The following FAM227B variants were observed in gnomAD, a reference collection of about 807,000 sequenced individuals.
The protein encoded by FAM227B is family with sequence similarity 227 member B, also known as protein FAM227B.
FAM227B carries 88 observed loss-of-function variants against 73.8 expected under a neutral mutation model. The observed-to-expected ratio is 1.19, with a 90% CI of 1.00 to 1.42. The LOEUF is 1.42. Ranked by LOEUF, FAM227B falls within the 40% of genes most tolerant of loss-of-function variation. FAM227B has a pLI of 0.00. For synonymous variants in FAM227B, 210 were observed against 190.5 expected (o/e 1.10, Z -0.84); for missense variants, 632 against 590.9 (o/e 1.07, Z -0.72).
intron 10 of FAM227B, among the ~76,000 whole-genome samples, chr15:49,536,718 A>G (rs1008830137): frequency 7.2e-5 from 11 of 152,114 alleles, no homozygotes; most frequent in African/African-American, 2.6e-4. Context: ...ATGAACACCG[A>G]CATAAAGATG....
chr15:49,560,677 C>T (rs1406032558), intron 9 of FAM227B, among the ~76,000 whole-genome samples: 1 of 152,150 alleles, frequency 6.6e-6, no homozygotes, highest in East Asian at 1.9e-4. Flanking sequence ...TACAGCAGAC[C>T]TCTCAGCAGA....
At chr15:49,499,355 T>C (rs921788209) in intron 11 of FAM227B, among the ~76,000 whole-genome samples, 1 of 152,032 alleles carries the variant, frequency 6.6e-6, no homozygotes, top group Non-Finnish European at 1.5e-5. Flanking sequence ...TGGAAAAAGA[T>C]GTGTCTGTAT....
At chr15:49,471,148 A>G (rs2054704499) in intron 11 of FAM227B, among the ~76,000 whole-genome samples, 1 of 152,200 alleles carries the variant, frequency 6.6e-6, no homozygotes, top group South Asian at 2.1e-4. Flanking sequence ...GCCAAGAAGA[A>G]AAATTCTAAA....
chr15:49,527,033 T>A lies in FAM227B; in HGVS notation c.874+14647A>T, dbSNP rs942324460. Reference sequence around the variant, plus strand: ...GGAGGAGGGAATCTCATCTAACTGATTCTACAAAACCAGTATCACCCAGTA... The same window carrying A: ...GGAGGAGGGAATCTCATCTAACTGAATCTACAAAACCAGTATCACCCAGTA... On this transcript the variant is annotated intron_variant, in intron 10 of 15. Transcript: ENST00000299338. Among the ~76,000 whole-genome samples the A allele has an allele frequency of 2.1e-5, 3 of 142,490 alleles. No individual in the cohort carries two copies. The East Asian group carries it at 6.6e-4, about 32-fold the overall frequency. 93.5% of individuals were successfully genotyped at this position (142,490 alleles called of 152,430 possible).
chr15:49,594,715 GT>G (rs1162691897), intron 3 of FAM227B, among the ~76,000 whole-genome samples: 1 of 152,130 alleles, frequency 6.6e-6, no homozygotes, highest in African/African-American at 2.4e-5. Context: ...TGTTTGCTTT[GT>G]TGAAGATCAG....
intron 1 of FAM227B, among the ~76,000 whole-genome samples, chr15:49,617,223 T>A (rs2153345080): frequency 6.6e-6 from 1 of 152,104 alleles, no homozygotes; most frequent in African/African-American, 2.4e-5. Flanking sequence ...AAATAAAAAA[T>A]ATTTTTAAAA....
chr15:49,336,482 C>T (rs2039732959), intron 13 of FAM227B, among the ~76,000 whole-genome samples: 1 of 152,208 alleles, frequency 6.6e-6, no homozygotes, highest in Non-Finnish European at 1.5e-5. Flanking sequence ...TCTGCCATCA[C>T]TAAGATATAG....
At chr15:49,336,678 T>A (rs1467973229) in intron 13 of FAM227B, among the ~76,000 whole-genome samples, 1 of 152,216 alleles carries the variant, frequency 6.6e-6, no homozygotes, top group East Asian at 1.9e-4. Flanking sequence ...TTATTTATTT[T>A]TCCCTTGGTA....
chr15:49,359,064 T>C (rs1596500485), intron 13 of FAM227B, among the ~76,000 whole-genome samples: 1 of 152,172 alleles, frequency 6.6e-6, no homozygotes, highest in East Asian at 1.9e-4. Context: ...GATCCCTTCC[T>C]TACACCTTAT....
chr15:49,585,200 G>A (rs2152395758), intron 5 of FAM227B, among the ~76,000 whole-genome samples: 2 of 152,214 alleles, frequency 1.3e-5, no homozygotes, highest in Non-Finnish European at 2.9e-5. Context: ...AACAGGTGCT[G>A]GAGAGGATGT....
intron 11 of FAM227B, among the ~76,000 whole-genome samples, chr15:49,490,284 A>C (rs919562913): frequency 6.6e-6 from 1 of 151,856 alleles, no homozygotes; most frequent in African/African-American, 2.4e-5. Context: ...TTGCATCAGA[A>C]TGATTATGGA....
At position 49,416,045 on chromosome 15, in the gene FAM227B, C is replaced by T. The variant is rs1051075964; in HGVS notation, c.1013-44646G>A. Among the ~76,000 whole-genome samples the T allele has an allele frequency of 5.9e-5, 9 of 152,168 alleles. 1 individual carries two copies. Among genetic ancestry groups the T allele is most frequent in the African/African-American group, 2.2e-4 (9 of 41,530 alleles). Reference sequence around the variant, plus strand: ...TACAAAGTTCATTATGATCTGGTCCCTGCCTACCTCTTCAGGTTCATTCAC... The same window carrying T: ...TACAAAGTTCATTATGATCTGGTCCTTGCCTACCTCTTCAGGTTCATTCAC... On this transcript the variant is annotated intron_variant, in intron 11 of 15. Transcript: ENST00000299338.
At position 49,357,545 on chromosome 15, in the gene FAM227B, T is replaced by G. The variant is rs560018988; in HGVS notation, c.1271+9903A>C. 1.9e-3 allele frequency among the ~76,000 whole-genome samples: 289 copies of G among 151,940 alleles called. 2 individuals carry two copies. The highest frequency in any genetic ancestry group is 6.5e-3 in the African/African-American group (268 of 41,484). ...CTCCCAAGACTAAACCAGGAAGAAG[T>G]TGAATCTCTGAACAGACCAATAACA... On this transcript the variant is annotated intron_variant, in intron 13 of 15. Transcript: ENST00000299338.
chr15:49,516,167 T>C (rs958384647), intron 10 of FAM227B, among the ~76,000 whole-genome samples: 2 of 152,140 alleles, frequency 1.3e-5, no homozygotes, highest in African/African-American at 4.8e-5. Flanking sequence ...ATTTTTTACA[T>C]AGAGTAGGGG....
At chr15:49,388,364 A>G (rs1187435162) in intron 11 of FAM227B, among the ~76,000 whole-genome samples, 1 of 151,876 alleles carries the variant, frequency 6.6e-6, no homozygotes, top group Non-Finnish European at 1.5e-5. Context: ...TAAAGTACAC[A>G]AAAATATAAG....
chr15:49,394,532 G>C (rs1567201862), intron 11 of FAM227B, among the ~76,000 whole-genome samples: 1 of 152,150 alleles, frequency 6.6e-6, no homozygotes, highest in Non-Finnish European at 1.5e-5. Flanking sequence ...AGGCCGATTT[G>C]AGTTATATAA....
At chr15:49,343,835 C>G (rs546688238) in intron 13 of FAM227B, 1 of 152,094 alleles carries the variant, frequency 6.6e-6, no homozygotes, top group Non-Finnish European at 1.5e-5. Context: ...CACAAATTAC[C>G]CTGCATTCAG....
chr15:49,522,530 A>G (rs2059862359), intron 10 of FAM227B, among the ~76,000 whole-genome samples: 1 of 152,184 alleles, frequency 6.6e-6, no homozygotes, highest in African/African-American at 2.4e-5. Context: ...GACAAAGTTG[A>G]AAAACAACAC....
chr15:49,442,679 A>G (rs1412649938), intron 11 of FAM227B, among the ~76,000 whole-genome samples: 1 of 151,744 alleles, frequency 6.6e-6, no homozygotes, highest in Non-Finnish European at 1.5e-5. Flanking sequence ...CTGCCATTAT[A>G]AAGCTGCAGG....
Sources: gnomAD v4.1 joint callset for allele counts (sites outside exome capture counted in the v4.1 genomes callset) on GRCh38, gnomAD v4.1.1 for gene constraint, MANE v1.5 for transcripts, NCBI Gene and HGNC (gene_info 2026-07-23, HGNC 2026-07-21) for gene names.